Variants in ROR1 observed in about 807,000 individuals in gnomAD.
ROR1 encodes the protein ROR family WNT receptor 1, also known as inactive tyrosine-protein kinase transmembrane receptor ROR1.
Under a neutral mutation model 78.8 loss-of-function variants are expected in ROR1, and 19 were observed. The ratio of observed to expected loss-of-function variants is 0.24; its 90% CI spans 0.17 to 0.35. ROR1 has a LOEUF of 0.35. ROR1 is among the 10% of genes least tolerant of loss of function. The probability of loss-of-function intolerance (pLI) is 1.00; values close to 1 mark genes in which losing one functional copy is unlikely to be tolerated. For synonymous variants in ROR1, 386 were observed against 433.6 expected (o/e 0.89, Z 1.36); for missense variants, 917 against 1,177.8 (o/e 0.78, Z 3.24).
chr1:63,937,187 C>G (rs888885194), intron 1 of ROR1, among the ~76,000 whole-genome samples: 1 of 152,170 alleles, frequency 6.6e-6, no homozygotes, highest in Non-Finnish European at 1.5e-5. Flanking sequence ...ATCTTTCTAT[C>G]TCTTAGTGAC....
At chr1:64,164,462 C>T (rs1182703170) in intron 8 of ROR1, among the ~76,000 whole-genome samples, 1 of 152,166 alleles carries the variant, frequency 6.6e-6, no homozygotes, top group Non-Finnish European at 1.5e-5. Flanking sequence ...CTTTTATTTT[C>T]TCATCCATAA....
intron 1 of ROR1, among the ~76,000 whole-genome samples, chr1:64,005,782 A>G (rs897563150): frequency 2.6e-5 from 4 of 152,242 alleles, no homozygotes; most frequent in African/African-American, 9.6e-5. Flanking sequence ...TTTTAAAAAA[A>G]TATGGCCTTG....
chr1:63,786,571 C>CT (rs10530236), intron 1 of ROR1, among the ~76,000 whole-genome samples: 25,959 of 113,274 alleles, frequency 0.23, 3,602 homozygotes, highest in African/African-American at 0.36. Context: ...CGCGCCTGGC[C>CT]TTTTTTTTTT....
rs1644746753 is a variant in ROR1 at position 63,794,487 on chromosome 1, AC to A, written c.91+19981del. On this transcript the variant is annotated intron_variant, in intron 1 of 8. Transcript: ENST00000371079. ...GCCTCCAGCACTAGGCCACGAAGGA[AC>A]CAGCTTCTTTCTCTCACTGGTGGTG... is the stretch of plus-strand genomic sequence containing the variant. Among the ~76,000 whole-genome samples the A allele has an allele frequency of 3.3e-5, 5 of 152,290 alleles. No homozygotes were observed. The South Asian group carries it at 1.0e-3, about 32-fold the overall frequency.
At chr1:64,160,717 A>G (rs1246420259) in intron 8 of ROR1, among the ~76,000 whole-genome samples, 1 of 152,242 alleles carries the variant, frequency 6.6e-6, no homozygotes, top group East Asian at 1.9e-4. Flanking sequence ...CCTGGCAGAT[A>G]CTTTTACCTA....
At chr1:63,788,738 T>C (rs1010231772) in intron 1 of ROR1, 4 of 442,550 alleles carry the variant, frequency 9.0e-6, no homozygotes, top group African/African-American at 8.2e-5. Flanking sequence ...TCTTCCTCCT[T>C]GGACAAGGTC....
At chr1:63,832,668 A>G (rs1200081894) in intron 1 of ROR1, among the ~76,000 whole-genome samples, 2 of 152,250 alleles carry the variant, frequency 1.3e-5, no homozygotes, top group Admixed American at 6.5e-5. Context: ...CAGTGCTGCT[A>G]TAACAGTTGT....
intron 4 of ROR1, among the ~76,000 whole-genome samples, chr1:64,078,530 CG>C (rs1226127672): frequency 6.6e-6 from 1 of 151,956 alleles, no homozygotes; most frequent in Non-Finnish European, 1.5e-5. Context: ...GGGATGGCCA[CG>C]TTTGTTGGTT....
chr1:63,984,954 C>G (rs1646239131), intron 1 of ROR1, among the ~76,000 whole-genome samples: 1 of 152,132 alleles, frequency 6.6e-6, no homozygotes, highest in African/African-American at 2.4e-5. Flanking sequence ...AATGGATTAC[C>G]CACGCACCTC....
chr1:64,053,248 A>G (rs1054279003), intron 4 of ROR1, among the ~76,000 whole-genome samples: 21 of 152,210 alleles, frequency 1.4e-4, no homozygotes, highest in African/African-American at 5.1e-4. Context: ...TGTGAAATAC[A>G]TTAGACATAT....
At chr1:64,054,298 G>A (rs1260418399) in intron 4 of ROR1, among the ~76,000 whole-genome samples, 1 of 150,488 alleles carries the variant, frequency 6.6e-6, no homozygotes, top group African/African-American at 2.4e-5. Flanking sequence ...TTTTTTTTTG[G>A]ACAGGTTCTG....
intron 4 of ROR1, among the ~76,000 whole-genome samples, chr1:64,052,536 C>T (rs1646841237): frequency 6.6e-6 from 1 of 152,254 alleles, no homozygotes; most frequent in African/African-American, 2.4e-5. Flanking sequence ...CAGTCTAGGT[C>T]TCTCGTGGTT....
rs539364372 is a variant in ROR1, at chr1:63,848,651, G to A, written c.91+74143G>A. ...TTGGATTTAATTACTAGGCTTAGAT[G>A]AATGTGCCATGCATCTTATTTTGGT... On this transcript the variant is annotated intron_variant, in intron 1 of 8. Coordinates refer to ENST00000371079, the MANE Select transcript of ROR1 (RefSeq NM_005012.4). Among the ~76,000 whole-genome samples, 4 of 152,222 alleles carry A rather than the reference G, an allele frequency of 2.6e-5. No homozygotes were observed. The East Asian group carries it at 7.7e-4, about 29-fold the overall frequency.
chr1:63,816,111 C>T (rs2819143), intron 1 of ROR1, among the ~76,000 whole-genome samples: 3,802 of 152,296 alleles, frequency 0.025, 160 homozygotes, highest in African/African-American at 0.087. Context: ...CTGGTGGCCG[C>T]TAGACAGTCT....
intron 4 of ROR1, among the ~76,000 whole-genome samples, chr1:64,097,601 C>A (rs2100652380): frequency 6.7e-6 from 1 of 150,304 alleles, no homozygotes; most frequent in African/African-American, 2.5e-5. Flanking sequence ...GGCCTTGAGA[C>A]AATGCTTTCT....
chr1:63,881,070 A>G (rs1280420177), intron 1 of ROR1, among the ~76,000 whole-genome samples: 1 of 152,184 alleles, frequency 6.6e-6, no homozygotes, highest in African/African-American at 2.4e-5. Context: ...ATAGGCAGAG[A>G]TAGGTAAAGA....
chr1:63,972,834 G>GA (rs1215896624), intron 1 of ROR1, among the ~76,000 whole-genome samples: 27 of 152,178 alleles, frequency 1.8e-4, no homozygotes, highest in Admixed American at 7.2e-4. Context: ...ATTTTTTCAA[G>GA]AAAAGCTGGA....
intron 1 of ROR1, among the ~76,000 whole-genome samples, chr1:64,005,087 C>G (rs1646417214): frequency 6.6e-6 from 1 of 152,174 alleles, no homozygotes; most frequent in African/African-American, 2.4e-5. Flanking sequence ...ATTAGTGAGG[C>G]ATGTGAAATG....
chr1:63,991,403 G>A (rs1646295320), intron 1 of ROR1, among the ~76,000 whole-genome samples: 1 of 152,150 alleles, frequency 6.6e-6, no homozygotes. Flanking sequence ...TCAGATATGT[G>A]CAGTTGCCAG....
Sources: allele counts gnomAD v4.1 joint callset (sites outside exome capture counted in the v4.1 genomes callset), GRCh38; gene constraint gnomAD v4.1.1; transcripts MANE v1.5; gene names NCBI Gene and HGNC (gene_info 2026-07-23, HGNC 2026-07-21).